Variants in NCOR2 observed in about 807,000 individuals in gnomAD.
NCOR2 encodes the protein CTG repeat protein 26.
NCOR2 carries 81 observed loss-of-function variants against 262.9 expected under a neutral mutation model. The ratio of observed to expected loss-of-function variants is 0.31; its 90% CI spans 0.26 to 0.37. The LOEUF (loss-of-function observed/expected upper bound fraction) is 0.37, where lower values mean the gene tolerates loss of function less well. Among genes scored for constraint, NCOR2 ranks in the 10% least tolerant of loss-of-function variants. The probability of loss-of-function intolerance (pLI) is 1.00; values close to 1 mark genes in which losing one functional copy is unlikely to be tolerated. For missense variants in NCOR2, 3,385 were observed against 3,621.4 expected (o/e 0.93, Z 1.68); for synonymous variants, 1,659 against 1,559.3 (o/e 1.06, Z -1.51).
At chr12:124,391,550 C>T (rs562569931) in intron 16 of NCOR2, among the ~76,000 whole-genome samples, 3 of 152,176 alleles carry the variant, frequency 2.0e-5, no homozygotes, top group Non-Finnish European at 2.9e-5. Context: ...ACACCCTTGA[C>T]AGGCCGGGCA....
intron 17 of NCOR2, among the ~76,000 whole-genome samples, chr12:124,382,180 G>A (rs914483828): frequency 1.3e-5 from 2 of 152,228 alleles, no homozygotes; most frequent in Non-Finnish European, 2.9e-5. Flanking sequence ...GGAGGGGCAG[G>A]AGGTGGAGGT....
intron 41 of NCOR2, among the ~76,000 whole-genome samples, chr12:124,333,853 TGCATGTGTGTGTGC>T (rs1303976081): frequency 1.2e-4 from 9 of 75,030 alleles, no homozygotes; most frequent in South Asian, 1.1e-3. Context: ...TGTGCGGGTG[TGCATGTGTGTGTGC>T]GCATGTGTGC....
At chr12:124,394,482 A>G (rs2041528188) in intron 16 of NCOR2, among the ~76,000 whole-genome samples, 1 of 152,232 alleles carries the variant, frequency 6.6e-6, no homozygotes, top group African/African-American at 2.4e-5. Context: ...GAACCTATGA[A>G]TGTGACCTTA....
intron 8 of NCOR2, 126 bp downstream of exon 10, chr12:124,437,804 G>A (rs1189491596): frequency 2.3e-5 from 15 of 638,388 alleles, no homozygotes; most frequent in East Asian, 1.0e-4. Context: ...CTTTTCCTCC[G>A]CAGCCTGGAC....
rs543081332 is a variant in NCOR2, at chr12:124,354,350, C to T, written c.3589+128G>A. Reference sequence around the variant, plus strand: ...CCCTACCCCTAAATGGTGAGGGAGACAGCTGTGAAGAGGGGCCCCCAGACC... The same window carrying T: ...CCCTACCCCTAAATGGTGAGGGAGATAGCTGTGAAGAGGGGCCCCCAGACC... On this transcript the variant is annotated intron_variant, in intron 26 of 46. Transcript: ENST00000405201. 1.1e-4 allele frequency: 126 copies of T among 1,139,962 alleles called. No individual in the cohort carries two copies. In the African/African-American group the frequency reaches 1.3e-3, roughly 12 times the overall value. The allele number at this position is 1,139,962 out of a possible 1,614,324, so 70.6% of individuals were successfully genotyped here.
chr12:124,415,514 G>C (rs2042811790), intron 13 of NCOR2, among the ~76,000 whole-genome samples: 1 of 152,356 alleles, frequency 6.6e-6, no homozygotes, highest in Admixed American at 6.5e-5. Context: ...AGGCCTGTGG[G>C]GGGTGGCAGG....
intron 16 of NCOR2, among the ~76,000 whole-genome samples, chr12:124,390,421 T>C (rs2041211116): frequency 2.6e-5 from 4 of 152,074 alleles, no homozygotes; most frequent in Non-Finnish European, 5.9e-5. Context: ...TTCCCTCTGG[T>C]CTTGGCTCAA....
At chr12:124,348,098 C>A (rs2037098787) in intron 29 of NCOR2, 76 bp downstream of exon 31, 1 of 1,591,510 alleles carries the variant, frequency 6.3e-7, no homozygotes, top group South Asian at 1.1e-5. Context: ...GTTTCCCCAT[C>A]TGTAAAACGG....
chr12:124,421,491 C>T (rs2043200708), intron 12 of NCOR2, among the ~76,000 whole-genome samples: 1 of 152,198 alleles, frequency 6.6e-6, no homozygotes, highest in Non-Finnish European at 1.5e-5. Flanking sequence ...GTTTTTCAGG[C>T]ATGGAGAGAT....
chr12:124,423,288 G>A (rs942672418), intron 11 of NCOR2, among the ~76,000 whole-genome samples: 1 of 152,180 alleles, frequency 6.6e-6, no homozygotes, highest in African/African-American at 2.4e-5. Context: ...CTGGCCCCAG[G>A]CCCAGGCGTC....
chr12:124,335,285 A>T lies in NCOR2; in HGVS notation c.6266-5T>A, dbSNP rs1291180083. On this transcript the variant is annotated splice_polypyrimidine_tract_variant and splice_region_variant and intron_variant, in intron 39 of 46. Transcript: ENST00000405201. ...CCCCGCCAAGCTTCACGGGGCCTGC[A>T]GGCAGAGCAGAGCTGGTCAGGGGGT... The T allele has an allele frequency of 5.0e-6, 8 of 1,589,314 alleles. No homozygotes were observed. The highest frequency in any genetic ancestry group is 1.3e-5 in the African/African-American group (1 of 74,520).
intron 8 of NCOR2, among the ~76,000 whole-genome samples, chr12:124,431,207 C>T (rs2043899196): frequency 6.6e-6 from 1 of 151,832 alleles, no homozygotes; most frequent in Admixed American, 6.6e-5. Context: ...CACAGGCACA[C>T]ACACATACAG....
chr12:124,430,432 CAAGT>C (rs1334748374), intron 9 of NCOR2, among the ~76,000 whole-genome samples, 179 bp downstream of exon 11: 2 of 152,326 alleles, frequency 1.3e-5, no homozygotes, highest in East Asian at 3.9e-4. Flanking sequence ...ATTTAAGTTC[CAAGT>C]AAGTATTAGG....
exon 23 of NCOR2, chr12:124,356,766 G>A: frequency 1.3e-6 from 2 of 1,483,678 alleles, no homozygotes; most frequent in South Asian, 1.4e-5. Context: ...GCAGCTTCTG[G>A]GCCTCGGCTG....
At chr12:124,404,532 C>A (rs1017710974) in intron 13 of NCOR2, among the ~76,000 whole-genome samples, 1 of 152,216 alleles carries the variant, frequency 6.6e-6, no homozygotes, top group African/African-American at 2.4e-5. Context: ...CACCCATGGA[C>A]CAACGAATCA....
intron 33 of NCOR2, among the ~76,000 whole-genome samples, chr12:124,342,431 G>A (rs371042865): frequency 6.6e-6 from 1 of 151,870 alleles, no homozygotes; most frequent in African/African-American, 2.4e-5. Flanking sequence ...GTGCAGTGGC[G>A]CGATCTTGGC....
At chr12:124,425,426 A>AT (rs946186618) in intron 11 of NCOR2, among the ~76,000 whole-genome samples, 66 of 149,774 alleles carry the variant, frequency 4.4e-4, no homozygotes, top group Non-Finnish European at 4.6e-4. Flanking sequence ...TTTTTTTGTG[A>AT]TTTTTTTTTT....
At chr12:124,542,038 C>T (rs951814199) in intron 1 of NCOR2, among the ~76,000 whole-genome samples, 2 of 151,582 alleles carry the variant, frequency 1.3e-5, no homozygotes, top group African/African-American at 4.9e-5. Flanking sequence ...GCAGGGCCAG[C>T]GAGGACACCT....
At chr12:124,435,252 C>T (rs2044265752) in intron 8 of NCOR2, among the ~76,000 whole-genome samples, 2 of 152,324 alleles carry the variant, frequency 1.3e-5, no homozygotes, top group South Asian at 4.1e-4. Context: ...CCCAGATTAC[C>T]GGTCTGTTTC....
Sources: gnomAD v4.1 joint callset for allele counts (sites outside exome capture counted in the v4.1 genomes callset) on GRCh38, gnomAD v4.1.1 for gene constraint, MANE v1.5 for transcripts, NCBI Gene and HGNC (gene_info 2026-07-23, HGNC 2026-07-21) for gene names.